Variants in IGFN1 observed in about 807,000 individuals in gnomAD.
The protein encoded by IGFN1 is immunoglobulin-like and fibronectin type III domain-containing protein 1.
IGFN1 carries 253 observed loss-of-function variants against 289.5 expected under a neutral mutation model. The ratio of observed to expected loss-of-function variants is 0.87; its 90% CI spans 0.79 to 0.97. The LOEUF (loss-of-function observed/expected upper bound fraction) is 0.97. IGFN1 is among the 50% of genes least tolerant of loss of function. The probability of loss-of-function intolerance (pLI) is 0.00; values close to 1 mark genes in which losing one functional copy is unlikely to be tolerated. For missense variants in IGFN1, 4,470 were observed against 4,686.1 expected, an observed-to-expected ratio of 0.95 and a Z score of 1.35; for synonymous variants, 1,706 against 1,788.5, an observed-to-expected ratio of 0.95 and a Z score of 1.16.
intron 22 of IGFN1, 34 bp downstream of exon 22, chr1:201,226,157 G>C: frequency 6.5e-7 from 1 of 1,542,682 alleles, no homozygotes. Context: ...AGCAGGCAGG[G>C]TGGGGGTTGC....
In IGFN1 at chr1:201,200,373, CAGG is replaced by C; in HGVS notation, c.598_600del (p.Glu200del). On this transcript the variant is annotated inframe_deletion, in exon 8 of 24. Transcript: ENST00000335211. ...CTACCGTGGCATGTTGCGCAGGCTG[CAGG>C]AGATGAAGAAGGAACAGGAGGACAA... 1 of 1,551,748 alleles carries C rather than the reference CAGG, an allele frequency of 6.4e-7. No homozygotes were observed. Among genetic ancestry groups the C allele is most frequent in the South Asian group, 1.2e-5 (1 of 84,054 alleles).
chr1:201,222,712 G>C, intron 19 of IGFN1, 27 bp from the exon 20 acceptor site: 1 of 1,570,858 alleles, frequency 6.4e-7, no homozygotes, highest in Non-Finnish European at 8.7e-7. Flanking sequence ...GGAGGAGGGA[G>C]GTAACCAGTC....
Position 201,208,343 on chromosome 1 carries a change from C to A in IGFN1, c.3450C>A (p.Ala1150=). 2 of 1,484,556 alleles carry A rather than the reference C, an allele frequency of 1.3e-6. No individual in the cohort carries two copies. The highest frequency in any genetic ancestry group is 2.5e-5 in the East Asian group (1 of 40,674). 92.0% of individuals were successfully genotyped at this position (1,484,556 alleles called of 1,614,324 possible). The change falls in exon 12 of 24, where the codon GCC becomes GCA. Residue 1150 remains alanine, a synonymous_variant. Transcript: ENST00000335211. ...AAGATGGCTCTGGGGGTCCAGGAGCCATGGGACCAGGGTCTCTGAGGGCAG... is the reference window on the plus strand; with the variant it reads ...AAGATGGCTCTGGGGGTCCAGGAGCAATGGGACCAGGGTCTCTGAGGGCAG... The part of the protein sequence containing the change: ...GYEDGSGGPG[A]MGPGSLRAGS...
rs1167652064 is a variant in IGFN1, at chr1:201,206,410, A to G, written c.1517A>G (p.Asn506Ser). ...EGSRATLPRE[N>S]QSHREGGWAR... The stretch of plus-strand genomic sequence containing the variant: ...AGCAGAGCCACTCTTCCCAGGGAAA[A>G]TCAATCCCACAGAGAGGGAGGCTGG... The change falls in exon 12 of 24, where the codon AAT (asparagine) becomes AGT (serine). Residue 506 changes from asparagine to serine, a missense_variant. By Grantham distance (46) the Asn-to-Ser change is conservative. Transcript: ENST00000335211. 9 of 1,550,836 alleles carry G rather than the reference A, an allele frequency of 5.8e-6. No individual in the cohort carries two copies. The highest frequency in any genetic ancestry group is 1.4e-5 in the African/African-American group (1 of 73,038).
chr1:201,203,935 G>A (rs1667276864), intron 10 of IGFN1, 29 bp downstream of exon 10: 1 of 1,534,342 alleles, frequency 6.5e-7, no homozygotes, highest in Admixed American at 2.0e-5. Context: ...CGAAGTTGGA[G>A]TTGGGGAGAT....
In IGFN1 at chr1:201,213,176, C is replaced by T; in HGVS notation, c.8283C>T (p.Ser2761=). 1 of 1,551,660 alleles carries T rather than the reference C, an allele frequency of 6.4e-7. No homozygotes were observed. The highest frequency in any genetic ancestry group is 2.4e-5 in the East Asian group (1 of 40,910). Residue 2761 remains serine (S), a synonymous_variant, in exon 12 of 24, where the codon AGC becomes AGT. Transcript: ENST00000335211. The stretch of plus-strand genomic sequence containing the variant: ...GGTCAGGAGGGACCCAGGACCTGAG[C>T]TCTCAGCGAGGCAAGGGACAGAGAG... The part of the protein sequence containing the change: ...RDRSGGTQDL[S]SQRGKGQRGG...
rs1449033374 is a variant in IGFN1, at chr1:201,194,139, T to G, written c.8-15T>G. ...AGGTGGAAGGCCCCATCTCCTTCCCTCCTGCATTCTCCAGGAAAGCTCCGG... is the reference window on the plus strand; with the variant it reads ...AGGTGGAAGGCCCCATCTCCTTCCCGCCTGCATTCTCCAGGAAAGCTCCGG... On this transcript the variant is annotated splice_polypyrimidine_tract_variant and intron_variant, in intron 2 of 23. Transcript: ENST00000335211. 4.5e-6 allele frequency: 7 copies of G among 1,551,078 alleles called. No individual in the cohort carries two copies. Among genetic ancestry groups the G allele is most frequent in the African/African-American group, 2.7e-5 (2 of 73,026 alleles).
chr1:201,206,090 G>T lies in IGFN1; in HGVS notation c.1197G>T (p.Lys399Asn), dbSNP rs1332853804. ...SSAWLVVEAGKDKDLQSTSAD... is the reference protein window; with the variant it reads ...SSAWLVVEAGNDKDLQSTSAD... ...AATAACCCCTCACTGAAGCTGGGAA[G>T]GATAAAGACCTTCAGTCCACAAGTG... is the stretch of plus-strand genomic sequence containing the variant. Residue 399 changes from lysine to asparagine, a missense_variant, in exon 12 of 24, where the codon AAG (lysine) becomes AAT (asparagine). Physicochemically the swap from Lys to Asn is moderately conservative, Grantham distance 94. Transcript: ENST00000335211. 1.3e-6 allele frequency: 2 copies of T among 1,546,506 alleles called. No individual in the cohort carries two copies. Among genetic ancestry groups the T allele is most frequent in the Non-Finnish European group, 1.7e-6 (2 of 1,143,406 alleles).
rs764308648 is a variant in IGFN1, at chr1:201,221,525, C to T, written c.9980C>T (p.Thr3327Ile). ...SITLSWAGPDTQEGDEAQGYV... is the reference protein window; with the variant it reads ...SITLSWAGPDIQEGDEAQGYV... ...ACTCTGAGCTGGGCTGGGCCAGACA[C>T]CCAGGAAGGGGATGAAGCCCAGGGG... Residue 3327 changes from threonine (T) to isoleucine (I), a missense_variant, in exon 19 of 24, where the codon ACC becomes ATC. Physicochemically the swap from Thr to Ile is moderately conservative, Grantham distance 89. Coordinates refer to ENST00000335211, the MANE Select transcript of IGFN1 (RefSeq NM_001164586.2). The T allele has an allele frequency of 1.9e-5, 31 of 1,614,034 alleles. No homozygotes were observed. In the East Asian group the frequency reaches 6.2e-4, roughly 32 times the overall value.
At chr1:201,194,582 T>C (rs1666808949) in intron 3 of IGFN1, among the ~76,000 whole-genome samples, 1 of 152,220 alleles carries the variant, frequency 6.6e-6, no homozygotes, top group Non-Finnish European at 1.5e-5. Flanking sequence ...TGGTGTTTCC[T>C]GGTCCCTGTC....
chr1:201,213,229 G>C lies in IGFN1; in HGVS notation c.8336G>C (p.Gly2779Ala), dbSNP rs1667921642. Residue 2779 changes from glycine to alanine, a missense_variant, in exon 12 of 24, where the codon GGG becomes GCG. This residue lies in a region of IGFN1 where 2,218 missense variants were observed against 2,114.1 expected (regional missense o/e 1.05). Transcript: ENST00000335211. ...RGGKRSLGEQ[G>A]SLEAENGEVQ... ...GGAAAGAGGTCCCTCGGGGAGCAGG[G>C]GTCCCTGGAGGCTGAGAATGGTGAG... The C allele has an allele frequency of 6.4e-7, 1 of 1,551,606 alleles. No individual in the cohort carries two copies. Among genetic ancestry groups the C allele is most frequent in the Middle Eastern group, 1.7e-4 (1 of 6,008 alleles).
rs1480831416 is a variant in IGFN1 at position 201,206,623 on chromosome 1, G to A, written c.1730G>A (p.Gly577Glu). The A allele has an allele frequency of 1.5e-5, 23 of 1,542,190 alleles. No homozygotes were observed. Among genetic ancestry groups the A allele is most frequent in the Non-Finnish European group, 1.9e-5 (22 of 1,146,930 alleles). ...QAGGLGSSRE[G>E]KEHRGDSGRQ... ...GGAGGACTGGGGAGCAGCAGGGAAGGAAAGGAGCACAGAGGGGACAGTGGA... is the reference window on the plus strand; with the variant it reads ...GGAGGACTGGGGAGCAGCAGGGAAGAAAAGGAGCACAGAGGGGACAGTGGA... Residue 577 changes from glycine (G) to glutamate (E), a missense_variant, in exon 12 of 24, where the codon GGA (glycine) becomes GAA (glutamate). Physicochemically the swap from Gly to Glu is moderately conservative, Grantham distance 98 (BLOSUM62 -2). This residue lies in a region of IGFN1 where 2,011 missense variants were observed against 1,953.4 expected (regional missense o/e 1.03). Transcript: ENST00000335211.
Position 201,200,316 on chromosome 1 carries a change from G to T in IGFN1, c.538G>T (p.Glu180Ter), listed in dbSNP as rs932786833. 7.1e-6 allele frequency: 11 copies of T among 1,551,682 alleles called. No individual in the cohort carries two copies. Among genetic ancestry groups the T allele is most frequent in the Non-Finnish European group, 9.6e-6 (11 of 1,146,958 alleles). Residue 180 changes from glutamate to a stop codon, truncating the protein, a stop_gained, in exon 8 of 24, where the codon GAG (glutamate) becomes TAG (stop). Coordinates refer to ENST00000335211, the MANE Select transcript of IGFN1 (RefSeq NM_001164586.2). LOFTEE classifies it high-confidence loss of function. Reference sequence around the variant, plus strand: ...GATGACAGCAGACAGGAAGGACTACGAGAAGATCTGCTTGAAGTATGGCAT... The same window carrying T: ...GATGACAGCAGACAGGAAGGACTACTAGAAGATCTGCTTGAAGTATGGCAT... Reference protein sequence around the residue: ...LLMTADRKDYEKICLKYGIVD... With the variant: ...LLMTADRKDY
rs1277543688 is a variant in IGFN1 at position 201,205,068 on chromosome 1, T to A, written c.917-14T>A. 2 of 1,532,262 alleles carry A rather than the reference T, an allele frequency of 1.3e-6. No homozygotes were observed. The highest frequency in any genetic ancestry group is 4.0e-5 in the Admixed American group (2 of 50,296). The allele number at this position is 1,532,262 out of a possible 1,614,324, so 94.9% of individuals were successfully genotyped here. ...ACCATCAAGCTGATATCCCCATTCC[T>A]ATTTCCCCGGCAGCCATCCCCCCAA... On this transcript the variant is annotated splice_polypyrimidine_tract_variant and intron_variant, in intron 10 of 23. Coordinates refer to ENST00000335211, the MANE Select transcript of IGFN1 (RefSeq NM_001164586.2).
chr1:201,214,179 C>A lies in IGFN1; in HGVS notation c.8731C>A (p.Pro2911Thr), dbSNP rs1413877614. 6.2e-7 allele frequency: 1 copy of A among 1,611,662 alleles called. No homozygotes were observed. The highest frequency in any genetic ancestry group is 1.7e-5 in the Admixed American group (1 of 59,904). Residue 2911 changes from proline (P) to threonine (T), a missense_variant and splice_region_variant, in exon 13 of 24, where the codon CCC becomes ACC. Around this residue, in one of 8 missense-constraint regions of IGFN1, gnomAD observed 2,218 missense variants for 2,114.1 expected, o/e 1.05. Coordinates refer to ENST00000335211, the MANE Select transcript of IGFN1 (RefSeq NM_001164586.2). ...GGATTCCCTCTGTGTCTCTCCAGGC[C>A]CCATGGGCCACTTCTCCCAGGGCCT... ...TGSFSKDAQG[P>T]MGHFSQGLAD...
intron 10 of IGFN1, 71 bp downstream of exon 10, chr1:201,203,977 G>A (rs941157152): frequency 1.3e-5 from 18 of 1,338,372 alleles, no homozygotes; most frequent in Middle Eastern, 1.8e-4. Flanking sequence ...TTGGTGCAAC[G>A]TGTGTGTTGG....
chr1:201,223,253 C>A (rs1405418139), intron 20 of IGFN1: 2 of 153,614 alleles, frequency 1.3e-5, no homozygotes, highest in African/African-American at 2.4e-5. Context: ...ACCAACACCA[C>A]CTGACTTTAC....
At chr1:201,198,771 C>G (rs2102321795) in intron 5 of IGFN1, among the ~76,000 whole-genome samples, 1 of 152,296 alleles carries the variant, frequency 6.6e-6, no homozygotes, top group Middle Eastern at 3.4e-3. Flanking sequence ...CTCAGAAATT[C>G]CTGGAGCTCA....
chr1:201,195,696 G>A, intron 3 of IGFN1, 143 bp from the exon 4 acceptor site: 1 of 862,418 alleles, frequency 1.2e-6, no homozygotes, highest in South Asian at 2.1e-5. Flanking sequence ...CCTGAGTCAA[G>A]GGGACCAAGG....
Sources: allele counts gnomAD v4.1 joint callset (sites outside exome capture counted in the v4.1 genomes callset), GRCh38; gene constraint gnomAD v4.1.1; regional missense constraint gnomAD v4.1.1; transcripts MANE v1.5; gene names NCBI Gene and HGNC (gene_info 2026-07-23, HGNC 2026-07-21).